SHROOM3: variants seen among roughly 807,000 people sequenced by gnomAD.
SHROOM3 encodes the protein protein Shroom3.
Under a neutral mutation model 138.6 loss-of-function variants are expected in SHROOM3, and 47 were observed. The ratio of observed to expected loss-of-function variants is 0.34; its 90% CI spans 0.27 to 0.43. The LOEUF is 0.43. SHROOM3 is among the 20% of genes least tolerant of loss of function. SHROOM3 has a pLI of 1.00. For synonymous variants in SHROOM3, 1,062 were observed against 1,063.3 expected (o/e 1.00, Z 0.02); for missense variants, 2,491 against 2,596.5 (o/e 0.96, Z 0.88).
chr4:76,567,706 C>G (rs1204936497), intron 2 of SHROOM3, among the ~76,000 whole-genome samples: 2 of 152,134 alleles, frequency 1.3e-5, no homozygotes, highest in Admixed American at 6.5e-5. Flanking sequence ...AAAGGTGTCT[C>G]TTAGGGATGA....
chr4:76,464,485 G>C (rs998109047), intron 1 of SHROOM3, among the ~76,000 whole-genome samples: 2 of 152,118 alleles, frequency 1.3e-5, no homozygotes, highest in East Asian at 3.9e-4. Flanking sequence ...TTGGACTTTT[G>C]AGTTAATGCT....
intron 2 of SHROOM3, among the ~76,000 whole-genome samples, chr4:76,570,622 G>A (rs1042020105): frequency 5.9e-5 from 9 of 152,156 alleles, no homozygotes; most frequent in Non-Finnish European, 8.8e-5. Flanking sequence ...GTTTTCTTTC[G>A]TTTTGTTTAA....
rs577555737 is a variant in SHROOM3, at chr4:76,628,029, C to T, written c.323+72266C>T. Reference sequence around the variant, plus strand: ...CTCTATCCTGGATTACCATGTAGGCCTTTTGAAAATAGACACCTACTTTAT... The same window carrying T: ...CTCTATCCTGGATTACCATGTAGGCTTTTTGAAAATAGACACCTACTTTAT... On this transcript the variant is annotated intron_variant, in intron 2 of 10. Coordinates refer to ENST00000296043, the MANE Select transcript of SHROOM3 (RefSeq NM_020859.4). 3.9e-4 allele frequency among the ~76,000 whole-genome samples: 60 copies of T among 152,212 alleles called. 1 individual carries two copies. In the South Asian group the frequency reaches 0.012, roughly 30 times the overall value.
At chr4:76,491,319 CT>C (rs1731845084) in intron 1 of SHROOM3, among the ~76,000 whole-genome samples, 1 of 152,196 alleles carries the variant, frequency 6.6e-6, no homozygotes, top group Admixed American at 6.5e-5. Context: ...TTTGGAAAGA[CT>C]TCTTGGCCTG....
intron 2 of SHROOM3, among the ~76,000 whole-genome samples, chr4:76,681,621 G>GTGTGTGTGTGTGTGTA (rs1719198933): frequency 3.8e-5 from 1 of 26,162 alleles, no homozygotes; most frequent in Non-Finnish European, 6.7e-5. Context: ...GTGTGTGTGT[G>GTGTGTGTGTGTGTGTA]TGTGTGTGTG....
intron 2 of SHROOM3, among the ~76,000 whole-genome samples, chr4:76,562,287 C>G (rs1214340784): frequency 6.6e-6 from 1 of 152,134 alleles, no homozygotes; most frequent in African/African-American, 2.4e-5. Flanking sequence ...TGGGCCCACA[C>G]TCCCCCGAAT....
At chr4:76,437,172 A>G (rs551538750) in intron 1 of SHROOM3, among the ~76,000 whole-genome samples, 2 of 152,186 alleles carry the variant, frequency 1.3e-5, no homozygotes, top group African/African-American at 4.8e-5. Flanking sequence ...TGAGCCAGGG[A>G]GAACTGGGTT....
At chr4:76,748,879 G>T in intron 5 of SHROOM3, 138 bp from the exon 6 acceptor site, 531 of 524,782 alleles carry the variant, frequency 1.0e-3, no homozygotes, top group East Asian at 3.0e-3. Context: ...ATGGGATTAT[G>T]TAAGAGTGCC....
At chr4:76,528,474 C>T (rs115254609) in intron 1 of SHROOM3, among the ~76,000 whole-genome samples, 1 of 150,498 alleles carries the variant, frequency 6.6e-6, no homozygotes, top group Non-Finnish European at 1.5e-5. Flanking sequence ...CTTGCTCATG[C>T]TCAGCAAAAG....
intron 1 of SHROOM3, among the ~76,000 whole-genome samples, chr4:76,506,427 C>G (rs989324539): frequency 1.8e-4 from 28 of 152,100 alleles, no homozygotes; most frequent in Admixed American, 6.6e-5. Context: ...GTGTGTGTGT[C>G]ATATGCAAAT....
At chr4:76,441,440 G>T (rs1193244299) in intron 1 of SHROOM3, among the ~76,000 whole-genome samples, 1 of 152,094 alleles carries the variant, frequency 6.6e-6, no homozygotes, top group African/African-American at 2.4e-5. Context: ...CCAAGACCTG[G>T]ATCTGGTTGA....
chr4:76,696,258 A>G (rs960281163), intron 2 of SHROOM3, among the ~76,000 whole-genome samples: 4 of 152,036 alleles, frequency 2.6e-5, no homozygotes, highest in African/African-American at 9.7e-5. Flanking sequence ...GAATTGCAGG[A>G]CTGTCACTTG....
intron 2 of SHROOM3, among the ~76,000 whole-genome samples, chr4:76,675,228 C>T (rs185607503): frequency 1.6e-4 from 25 of 151,980 alleles, no homozygotes; most frequent in African/African-American, 5.6e-4. Flanking sequence ...GTATTAGCAC[C>T]GGTGAAAACA....
Position 76,460,471 on chromosome 4 carries a change from G to A in SHROOM3, c.168+24251G>A, listed in dbSNP as rs114046847. 2.6e-3 allele frequency among the ~76,000 whole-genome samples: 389 copies of A among 152,176 alleles called. 3 individuals are homozygous for A. The highest frequency in any genetic ancestry group is 8.6e-3 in the African/African-American group (357 of 41,542). On this transcript the variant is annotated intron_variant, in intron 1 of 10. Transcript: ENST00000296043. ...TCTTTACACCATCGGTTGTTTATTA[G>A]TTTATTAGAGCTGGCAAAACAAAAT...
At chr4:76,676,111 G>C (rs949548239) in intron 2 of SHROOM3, among the ~76,000 whole-genome samples, 2 of 152,120 alleles carry the variant, frequency 1.3e-5, no homozygotes, top group East Asian at 1.9e-4. Context: ...AGTAGATCTC[G>C]TTGGGAATAC....
rs189045899 is a variant in SHROOM3, at chr4:76,474,372, G to T, written c.168+38152G>T. Among the ~76,000 whole-genome samples, 125 of 152,246 alleles carry T rather than the reference G, an allele frequency of 8.2e-4. 1 individual carries two copies. Among genetic ancestry groups the T allele is most frequent in the African/African-American group, 2.8e-3 (115 of 41,560 alleles). Reference sequence around the variant, plus strand: ...TATGAAATTAGATAGTGGTAAGATTGTAAGACTGAATATGTTAAAAACCAC... The same window carrying T: ...TATGAAATTAGATAGTGGTAAGATTTTAAGACTGAATATGTTAAAAACCAC... On this transcript the variant is annotated intron_variant, in intron 1 of 10. Transcript: ENST00000296043.
Position 76,667,067 on chromosome 4 carries a change from T to C in SHROOM3, c.324-43089T>C, listed in dbSNP as rs554703102. 3.3e-5 allele frequency among the ~76,000 whole-genome samples: 5 copies of C among 152,276 alleles called. No homozygotes were observed. The East Asian group carries it at 7.7e-4, about 24-fold the overall frequency. On this transcript the variant is annotated intron_variant, in intron 2 of 10. Coordinates refer to ENST00000296043, the MANE Select transcript of SHROOM3 (RefSeq NM_020859.4). Reference sequence around the variant, plus strand: ...AAGTAGAATGGTGGTTGGCAGGGGCTGGGGAATGGGAGGATTGGACAATTA... The same window carrying C: ...AAGTAGAATGGTGGTTGGCAGGGGCCGGGGAATGGGAGGATTGGACAATTA...
intron 2 of SHROOM3, among the ~76,000 whole-genome samples, chr4:76,604,219 T>A (rs901575644): frequency 3.3e-5 from 5 of 152,186 alleles, no homozygotes; most frequent in African/African-American, 1.2e-4. Flanking sequence ...TGGAAGAGGA[T>A]GTTTTCAACA....
At chr4:76,682,557 T>G (rs552388508) in intron 2 of SHROOM3, among the ~76,000 whole-genome samples, 1 of 151,958 alleles carries the variant, frequency 6.6e-6, no homozygotes, top group East Asian at 1.9e-4. Context: ...CATCTTGATA[T>G]CCCTATCCCT....
Sources: allele counts gnomAD v4.1 joint callset (sites outside exome capture counted in the v4.1 genomes callset), GRCh38; gene constraint gnomAD v4.1.1; transcripts MANE v1.5; gene names NCBI Gene and HGNC (gene_info 2026-07-23, HGNC 2026-07-21).